Variants in PPP3CA observed in about 807,000 individuals in gnomAD.
The protein encoded by PPP3CA is CAM-PRP catalytic subunit.
Under a neutral mutation model 66.5 loss-of-function variants are expected in PPP3CA, and 14 were observed. The observed-to-expected ratio is 0.21, with a 90% confidence interval of 0.14 to 0.33. PPP3CA has a LOEUF of 0.33. PPP3CA is among the 10% of genes least tolerant of loss of function. The pLI, the probability that PPP3CA is intolerant of heterozygous loss-of-function variation, is 1.00. For synonymous variants in PPP3CA, 232 were observed against 226.2 expected (o/e 1.03, Z -0.23); for missense variants, 317 against 639.5 (o/e 0.50, Z 5.44).
At chr4:101,077,238 G>T (rs1729235468) in intron 8 of PPP3CA, among the ~76,000 whole-genome samples, 1 of 152,238 alleles carries the variant, frequency 6.6e-6, no homozygotes, top group Non-Finnish European at 1.5e-5. Context: ...TTGGTTTTAA[G>T]ATGGCAAGAA....
chr4:101,342,467 G>A (rs939787585), intron 1 of PPP3CA, among the ~76,000 whole-genome samples: 135 of 152,130 alleles, frequency 8.9e-4, no homozygotes, highest in African/African-American at 3.1e-3. Context: ...AACTCGTAAC[G>A]AACAGGATGA....
intron 1 of PPP3CA, among the ~76,000 whole-genome samples, chr4:101,267,798 A>G (rs540670808): frequency 6.6e-6 from 1 of 152,204 alleles, no homozygotes; most frequent in South Asian, 2.1e-4. Context: ...ATTGTGCAAG[A>G]ATTTATAACC....
At chr4:101,336,809 C>T (rs984142802) in intron 1 of PPP3CA, among the ~76,000 whole-genome samples, 12 of 152,160 alleles carry the variant, frequency 7.9e-5, no homozygotes, top group Admixed American at 1.3e-4. Context: ...TAGATGTGTA[C>T]ATGCAGGGGC....
chr4:101,032,102 T>C lies in PPP3CA; in HGVS notation c.1339+165A>G, dbSNP rs114011196. The stretch of plus-strand genomic sequence containing the variant: ...ATTCCAGAGAATGAGGGAGCTATTA[T>C]GTTGGACATGACTGATCAAACTGAT... On this transcript the variant is annotated intron_variant, in intron 12 of 13. Transcript: ENST00000394854. 1.2e-3 allele frequency among the ~76,000 whole-genome samples: 185 copies of C among 152,352 alleles called. 1 individual carries two copies. Among genetic ancestry groups the C allele is most frequent in the African/African-American group, 4.2e-3 (175 of 41,580 alleles).
At chr4:101,216,934 AAGC>A in intron 1 of PPP3CA, among the ~76,000 whole-genome samples, 1 of 152,286 alleles carries the variant, frequency 6.6e-6, no homozygotes, top group Middle Eastern at 3.4e-3. Context: ...TTTGACAAAG[AAGC>A]TACTAAAAAC....
chr4:101,338,891 A>C lies in PPP3CA; in HGVS notation c.58+7848T>G, dbSNP rs114695617. Among the ~76,000 whole-genome samples, 683 of 152,356 alleles carry C rather than the reference A, an allele frequency of 4.5e-3. 8 individuals carry two copies. The highest frequency in any genetic ancestry group is 0.016 in the African/African-American group (646 of 41,572). ...GTAAAAAGCAAACAAAAAATAAAACAAACTTGAATTCCTGACTCAGGTTCC... is the reference window on the plus strand; with the variant it reads ...GTAAAAAGCAAACAAAAAATAAAACCAACTTGAATTCCTGACTCAGGTTCC... On this transcript the variant is annotated intron_variant, in intron 1 of 13. Coordinates refer to ENST00000394854, the MANE Select transcript of PPP3CA (RefSeq NM_000944.5).
chr4:101,326,845 G>A (rs1183505153), intron 1 of PPP3CA, among the ~76,000 whole-genome samples: 1 of 152,122 alleles, frequency 6.6e-6, no homozygotes, highest in Non-Finnish European at 1.5e-5. Context: ...AACAATTCAA[G>A]AGAAAAGAAA....
At chr4:101,208,618 C>G (rs1365837843) in intron 1 of PPP3CA, among the ~76,000 whole-genome samples, 1 of 152,184 alleles carries the variant, frequency 6.6e-6, no homozygotes, top group Non-Finnish European at 1.5e-5. Flanking sequence ...CTAGACAATA[C>G]TCTCTGTTAC....
At chr4:101,174,727 T>G (rs537295967) in intron 2 of PPP3CA, among the ~76,000 whole-genome samples, 1 of 152,096 alleles carries the variant, frequency 6.6e-6, no homozygotes, top group African/African-American at 2.4e-5. Context: ...AGATGCTCAG[T>G]TGGCCAAGAA....
intron 1 of PPP3CA, among the ~76,000 whole-genome samples, chr4:101,255,824 T>C (rs561184779): frequency 2.9e-4 from 44 of 152,038 alleles, no homozygotes; most frequent in Non-Finnish European, 5.2e-4. Context: ...GCTTGTTACT[T>C]TGTTTTGTTA....
intron 2 of PPP3CA, among the ~76,000 whole-genome samples, chr4:101,131,184 C>A (rs1560617998): frequency 6.6e-6 from 1 of 151,530 alleles, no homozygotes. Flanking sequence ...TGTAGTGAAC[C>A]AAGATCGCGC....
chr4:101,217,732 G>A (rs1725499726), intron 1 of PPP3CA, among the ~76,000 whole-genome samples: 1 of 152,060 alleles, frequency 6.6e-6, no homozygotes, highest in South Asian at 2.1e-4. Context: ...ACAAATCCCA[G>A]ATACATCCCC....
intron 1 of PPP3CA, among the ~76,000 whole-genome samples, chr4:101,255,173 A>G (rs1193482960): frequency 6.6e-6 from 1 of 151,868 alleles, no homozygotes; most frequent in African/African-American, 2.4e-5. Context: ...TGAAATGAGA[A>G]AGCCTATCCC....
chr4:101,107,782 A>T (rs1005021000), intron 3 of PPP3CA, among the ~76,000 whole-genome samples: 30 of 152,348 alleles, frequency 2.0e-4, no homozygotes, highest in African/African-American at 5.8e-4. Context: ...TGAAATAAAA[A>T]TTTTGAAATA....
In PPP3CA at chr4:101,347,127, G is replaced by C. The variant is rs569776674; in HGVS notation, c.-331C>G. On this transcript the variant is annotated 5_prime_UTR_variant, in exon 1 of 14. Transcript: ENST00000394854. ...TTCTTGGGGGAAGGGGGATGGGGAG[G>C]AGAAGCGCACACACGAGCACCCACC... The C allele has an allele frequency of 4.9e-5, 23 of 469,942 alleles. No homozygotes were observed. Among genetic ancestry groups the C allele is most frequent in the Non-Finnish European group, 2.7e-5 (7 of 261,076 alleles). 29.1% of individuals were successfully genotyped at this position (469,942 alleles called of 1,614,324 possible). A position where few individuals can be genotyped will look rare whatever the true frequency, so the allele number is the denominator to read the frequency against.
At position 101,291,142 on chromosome 4, in the gene PPP3CA, CA is replaced by C. The variant is rs574828588; in HGVS notation, c.58+55596del. ...TGTTTTGCCCCTTAACTAGGCTATTCAGTTATTCAGTTACTTAGCGTAATTA... is the reference window on the plus strand; with the variant it reads ...TGTTTTGCCCCTTAACTAGGCTATTCGTTATTCAGTTACTTAGCGTAATTA... On this transcript the variant is annotated intron_variant, in intron 1 of 13. Transcript: ENST00000394854. 0.024 allele frequency among the ~76,000 whole-genome samples: 1,849 copies of C among 76,290 alleles called. 33 individuals carry two copies. In the African/African-American group the frequency reaches 0.26, roughly 11 times the overall value. 50.0% of individuals were successfully genotyped at this position (76,290 alleles called of 152,430 possible).
chr4:101,208,511 A>C (rs1163103839), intron 1 of PPP3CA, among the ~76,000 whole-genome samples: 10 of 152,158 alleles, frequency 6.6e-5, no homozygotes. Context: ...GTGTGCATAT[A>C]TTCAGTTCTA....
At position 101,180,037 on chromosome 4, in the gene PPP3CA, G is replaced by A. The variant is rs142902283; in HGVS notation, c.259+15879C>T. 8.7e-4 allele frequency among the ~76,000 whole-genome samples: 133 copies of A among 152,202 alleles called. 1 individual carries two copies. In the East Asian group the frequency reaches 0.022, roughly 26 times the overall value. On this transcript the variant is annotated intron_variant, in intron 2 of 13. Transcript: ENST00000394854. ...TTCTGTAGTCACCCAAAAATGATAGGACCATGATTAATGCACCCAAAGTTA... is the reference window on the plus strand; with the variant it reads ...TTCTGTAGTCACCCAAAAATGATAGAACCATGATTAATGCACCCAAAGTTA...
rs1725090267 is a variant in PPP3CA at position 101,205,103 on chromosome 4, A to G, written c.59-8987T>C. On this transcript the variant is annotated intron_variant, in intron 1 of 13. Coordinates refer to ENST00000394854, the MANE Select transcript of PPP3CA (RefSeq NM_000944.5). ...ATTTAAAGAGAGAGGCTTTTTATTT[A>G]TACATTTATTTTTTGGCCTTGAACA... 4.0e-5 allele frequency among the ~76,000 whole-genome samples: 6 copies of G among 151,884 alleles called. No individual in the cohort carries two copies. The South Asian group carries it at 1.2e-3, about 31-fold the overall frequency.
Sources: allele counts gnomAD v4.1 joint callset (sites outside exome capture counted in the v4.1 genomes callset), GRCh38; gene constraint gnomAD v4.1.1; transcripts MANE v1.5; gene names NCBI Gene and HGNC (gene_info 2026-07-23, HGNC 2026-07-21).